NR5A2: variants seen among roughly 807,000 people sequenced by gnomAD.
NR5A2 encodes CYP7A promoter-binding factor.
Under a neutral mutation model 62.7 loss-of-function variants are expected in NR5A2, and 26 were observed. That is an observed-to-expected ratio of 0.41 (90% confidence interval 0.30 to 0.58). The LOEUF (loss-of-function observed/expected upper bound fraction) is 0.58. NR5A2 is among the 20% of genes least tolerant of loss of function. NR5A2 has a pLI of 0.22. For missense variants in NR5A2, 541 were observed against 669.1 expected, an observed-to-expected ratio of 0.81 and a Z score of 2.11; for synonymous variants, 246 against 241.7, an observed-to-expected ratio of 1.02 and a Z score of -0.16.
rs75016942 is a variant in NR5A2, at chr1:200,150,449, T to C, written c.1379-23514T>C. Among the ~76,000 whole-genome samples the C allele has an allele frequency of 3.3e-3, 497 of 152,338 alleles. 1 individual carries two copies. Among genetic ancestry groups the C allele is most frequent in the African/African-American group, 0.012 (486 of 41,584 alleles). On this transcript the variant is annotated intron_variant, in intron 7 of 7. Transcript: ENST00000367362. ...ACTCTGGATGATTATCAGTACCACT[T>C]AGAATTAGAGCTTCTTGTTAAATAA...
chr1:200,121,107 T>TGAAA, intron 7 of NR5A2, 152 bp downstream of exon 7: 4 of 811,634 alleles, frequency 4.9e-6, no homozygotes, highest in Non-Finnish European at 7.7e-6. Flanking sequence ...TATATTTTCA[T>TGAAA]ATATATTTCT....
At chr1:200,054,368 T>G (rs1046422382) in intron 5 of NR5A2, among the ~76,000 whole-genome samples, 3 of 152,188 alleles carry the variant, frequency 2.0e-5, no homozygotes, top group African/African-American at 7.2e-5. Flanking sequence ...AGTTATTTTT[T>G]TTTTCACCTG....
At chr1:200,104,196 G>T (rs1453708606) in intron 5 of NR5A2, among the ~76,000 whole-genome samples, 1 of 152,196 alleles carries the variant, frequency 6.6e-6, no homozygotes, top group Non-Finnish European at 1.5e-5. Context: ...TTATCTCTGG[G>T]CAGGGAAGAA....
At chr1:200,124,503 C>T (rs996195851) in intron 7 of NR5A2, among the ~76,000 whole-genome samples, 1 of 152,152 alleles carries the variant, frequency 6.6e-6, no homozygotes, top group Admixed American at 6.5e-5. Context: ...GTAAAAAATG[C>T]CCTCTCAGCA....
intron 1 of NR5A2, among the ~76,000 whole-genome samples, chr1:200,030,160 T>C (rs1406788592): frequency 2.5e-4 from 38 of 152,150 alleles, no homozygotes; most frequent in Non-Finnish European, 1.5e-5. Context: ...AGCTTTCAGA[T>C]GGCAAATTGC....
chr1:200,161,284 T>C (rs1653629128), intron 7 of NR5A2, among the ~76,000 whole-genome samples: 1 of 152,242 alleles, frequency 6.6e-6, no homozygotes, highest in Non-Finnish European at 1.5e-5. Flanking sequence ...GTTTCCTGGC[T>C]CAGAATATCC....
intron 5 of NR5A2, among the ~76,000 whole-genome samples, chr1:200,079,269 A>G (rs1664180725): frequency 1.3e-5 from 2 of 152,202 alleles, no homozygotes; most frequent in African/African-American, 4.8e-5. Flanking sequence ...CTGTTATGTC[A>G]CTGAGGTCAC....
In NR5A2 at chr1:200,147,285, G is replaced by A. The variant is rs563913617; in HGVS notation, c.1378+26330G>A. 4.6e-5 allele frequency among the ~76,000 whole-genome samples: 7 copies of A among 152,328 alleles called. No homozygotes were observed. Among genetic ancestry groups the A allele is most frequent in the Non-Finnish European group, 7.4e-5 (5 of 68,020 alleles). On this transcript the variant is annotated intron_variant, in intron 7 of 7. Transcript: ENST00000367362. The surrounding 1 kb of genome is among the most constrained non-coding windows in gnomAD (Gnocchi z 4.9). ...TAGCAATGGCCCAGGTTCGCTGGCT[G>A]CATCTGCTGTGCCAGGCGCCTACTG...
chr1:200,121,060 G>A lies in NR5A2; in HGVS notation c.1378+105G>A, dbSNP rs1460736923. ...TATGTTTTTGTTCTATCAATATAAT[G>A]CCCTTCCTGTCAAATTATGAAATCT... On this transcript the variant is annotated intron_variant, in intron 7 of 7. Transcript: ENST00000367362. 4.3e-6 allele frequency: 5 copies of A among 1,154,408 alleles called. No homozygotes were observed. In the African/African-American group the frequency reaches 6.2e-5, roughly 14 times the overall value. 71.5% of individuals were successfully genotyped at this position (1,154,408 alleles called of 1,614,324 possible).
intron 7 of NR5A2, among the ~76,000 whole-genome samples, chr1:200,171,415 T>G (rs568718396): frequency 6.6e-6 from 1 of 152,246 alleles, no homozygotes; most frequent in East Asian, 1.9e-4. Context: ...TCCCAAGTTT[T>G]GGGGGAAAAG....
intron 5 of NR5A2, among the ~76,000 whole-genome samples, chr1:200,084,920 T>C (rs1202224121): frequency 6.6e-6 from 1 of 152,218 alleles, no homozygotes; most frequent in Non-Finnish European, 1.5e-5. Context: ...TACAGTCTAA[T>C]ACATTAAGAA....
chr1:200,172,387 C>T (rs1654223577), intron 7 of NR5A2, among the ~76,000 whole-genome samples: 2 of 152,158 alleles, frequency 1.3e-5, no homozygotes, highest in African/African-American at 4.8e-5. Flanking sequence ...ATGTCCAGAG[C>T]ACACCAATGT....
intron 7 of NR5A2, among the ~76,000 whole-genome samples, chr1:200,121,655 C>T (rs1666486534): frequency 6.6e-6 from 1 of 152,186 alleles, no homozygotes; most frequent in South Asian, 2.1e-4. Context: ...ATTTTCCTGT[C>T]TGTCCCTTAC....
Position 200,039,843 on chromosome 1 carries a change from C to G in NR5A2, c.202+48C>G, listed in dbSNP as rs779530939. The G allele has an allele frequency of 1.9e-6, 3 of 1,562,502 alleles. No individual in the cohort carries two copies. Among genetic ancestry groups the G allele is most frequent in the Non-Finnish European group, 1.7e-6 (2 of 1,158,206 alleles). On this transcript the variant is annotated intron_variant, in intron 2 of 7. Transcript: ENST00000367362. The surrounding 1 kb of genome is among the most constrained non-coding windows in gnomAD (Gnocchi z 5.1). The stretch of plus-strand genomic sequence containing the variant: ...TCCGGCTCCCGCTGCTTCCCCACCC[C>G]CGGGCTCGCCCTGCAGGCTTCAGCC...
chr1:200,102,054 T>A (rs1214918608), intron 5 of NR5A2, among the ~76,000 whole-genome samples: 1 of 152,240 alleles, frequency 6.6e-6, no homozygotes, highest in Non-Finnish European at 1.5e-5. Context: ...CACAGTTATA[T>A]AAATGAAAAA....
intron 5 of NR5A2, among the ~76,000 whole-genome samples, chr1:200,091,323 G>A (rs1250057461): frequency 6.6e-6 from 1 of 152,036 alleles, no homozygotes; most frequent in Non-Finnish European, 1.5e-5. Context: ...GGGGAGTGGG[G>A]AGGGTCAATA....
At chr1:200,095,411 T>C (rs1331445955) in intron 5 of NR5A2, among the ~76,000 whole-genome samples, 1 of 152,176 alleles carries the variant, frequency 6.6e-6, no homozygotes, top group Non-Finnish European at 1.5e-5. Context: ...GGAACAAATA[T>C]AGAACAATGC....
chr1:200,056,874 A>G (rs1004849864), intron 5 of NR5A2, among the ~76,000 whole-genome samples: 1 of 152,136 alleles, frequency 6.6e-6, no homozygotes, highest in African/African-American at 2.4e-5. Flanking sequence ...GGCCATCGTC[A>G]GGTGTCTGAA....
intron 5 of NR5A2, among the ~76,000 whole-genome samples, chr1:200,082,782 G>C (rs917959357): frequency 6.6e-6 from 1 of 152,110 alleles, no homozygotes; most frequent in African/African-American, 2.4e-5. Flanking sequence ...TTTATAATTA[G>C]TTGTCAGCTT....
Sources: allele counts gnomAD v4.1 joint callset (sites outside exome capture counted in the v4.1 genomes callset), GRCh38; gene constraint gnomAD v4.1.1; non-coding constraint Gnocchi (gnomAD v3.1); transcripts MANE v1.5; gene names NCBI Gene and HGNC (gene_info 2026-07-23, HGNC 2026-07-21).